Variants in KCP observed in about 807,000 individuals in gnomAD.
KCP encodes the protein kielin cysteine rich BMP regulator, also known as kielin/chordin-like protein.
In KCP, 194 loss-of-function variants were observed where a neutral mutation model predicts 212.7. That is an observed-to-expected ratio of 0.91 (90% CI 0.81 to 1.03). The LOEUF (loss-of-function observed/expected upper bound fraction) is 1.03. KCP is among the 50% of genes least tolerant of loss of function. KCP has a pLI of 0.00. For synonymous variants in KCP, 833 were observed against 865.3 expected (o/e 0.96, Z 0.65); for missense variants, 2,080 against 2,162.5 (o/e 0.96, Z 0.76).
chr7:128,891,724 G>C lies in KCP; in HGVS notation c.1717C>G (p.His573Asp). Residue 573 changes from histidine to aspartate, a missense_variant, in exon 17 of 40, where the codon CAC becomes GAC. His to Asp is a moderately conservative substitution (Grantham distance 81). Coordinates refer to ENST00000610776, the MANE Select transcript of KCP (RefSeq NM_001366122.1). ...QECRCQEGHA[H>D]CQPRPCPRAP... ...CTGGGGCAGGGGCGAGGCTGGCAGT[G>C]GGCATGGCCTTCCTGGCATCGGCAC... 6 of 1,447,794 alleles carry C rather than the reference G, an allele frequency of 4.1e-6. No individual in the cohort carries two copies. Among genetic ancestry groups the C allele is most frequent in the Non-Finnish European group, 5.5e-6 (6 of 1,098,000 alleles). The allele number at this position is 1,447,794 out of a possible 1,614,324, so 89.7% of individuals were successfully genotyped here.
intron 27 of KCP, 25 bp from the exon 28 acceptor site, chr7:128,884,888 C>T (rs1450030256): frequency 1.6e-5 from 24 of 1,548,220 alleles, no homozygotes; most frequent in Admixed American, 7.8e-5. Flanking sequence ...GAGAGCAGAA[C>T]GGGACCAGGG....
intron 22 of KCP, among the ~76,000 whole-genome samples, chr7:128,888,303 C>T (rs111219562): frequency 3.9e-4 from 56 of 145,036 alleles, no homozygotes; most frequent in African/African-American, 1.4e-3. Flanking sequence ...GCAACACACA[C>T]ACACAGATAC....
At chr7:128,891,132 C>A in intron 19 of KCP, 36 bp from the exon 20 acceptor site, 1 of 1,530,598 alleles carries the variant, frequency 6.5e-7, no homozygotes, top group South Asian at 1.2e-5. Context: ...GGCCCAGGAA[C>A]AGGCCTCCGA....
At chr7:128,900,635 CTTAAA>C (rs1308764173) in intron 8 of KCP, among the ~76,000 whole-genome samples, 5 of 152,206 alleles carry the variant, frequency 3.3e-5, no homozygotes, top group Non-Finnish European at 7.3e-5. Flanking sequence ...TCAACGTTTT[CTTAAA>C]TTAAACTTTT....
chr7:128,905,769 A>C, intron 5 of KCP, among the ~76,000 whole-genome samples: 2 of 150,862 alleles, frequency 1.3e-5, no homozygotes, highest in South Asian at 4.3e-4. Context: ...CCTGCAACCC[A>C]CCTCTCTCCA....
At chr7:128,887,690 C>G in intron 22 of KCP, among the ~76,000 whole-genome samples, 1 of 149,680 alleles carries the variant, frequency 6.7e-6, no homozygotes, top group East Asian at 2.0e-4. Context: ...CACATACACA[C>G]ATATACCCAT....
In KCP at chr7:128,877,318, G is replaced by A; in HGVS notation, c.4619-7C>T. On this transcript the variant is annotated splice_region_variant and splice_polypyrimidine_tract_variant and intron_variant, in intron 39 of 39. Transcript: ENST00000610776. ...TCCAGGGGGCAGCCTACCACTGCAG[G>A]GGGAGTGGGAGGCGGGGTTACCAAG... 2 of 1,526,958 alleles carry A rather than the reference G, an allele frequency of 1.3e-6. No individual in the cohort carries two copies. Among genetic ancestry groups the A allele is most frequent in the Middle Eastern group, 4.0e-4 (2 of 4,976 alleles). The allele number at this position is 1,526,958 out of a possible 1,614,324, so 94.6% of individuals were successfully genotyped here. A position where few individuals can be genotyped will look rare whatever the true frequency, so the allele number is the denominator to read the frequency against.
At chr7:128,893,584 G>A (rs997430284) in intron 11 of KCP, 108 bp from the exon 12 acceptor site, 13 of 1,021,066 alleles carry the variant, frequency 1.3e-5, no homozygotes, top group Admixed American at 2.1e-5. Flanking sequence ...ACCCAGCCGA[G>A]TTCTCCAGGG....
At chr7:128,881,590 C>T (rs574008196) in intron 31 of KCP, 36 bp downstream of exon 31, 41 of 1,416,504 alleles carry the variant, frequency 2.9e-5, no homozygotes, top group Non-Finnish European at 3.5e-5. Context: ...CCCCTGGGCT[C>T]CTCTCTGAGG....
intron 1 of KCP, among the ~76,000 whole-genome samples, chr7:128,910,372 C>T (rs906960823): frequency 5.9e-5 from 9 of 152,220 alleles, no homozygotes; most frequent in Non-Finnish European, 1.3e-4. Context: ...TCTCTCCCGC[C>T]GCCGGCTGCA....
At chr7:128,904,292 C>T (rs1795013064) in intron 5 of KCP, 154 bp from the exon 6 acceptor site, 1 of 1,552,710 alleles carries the variant, frequency 6.4e-7, no homozygotes, top group Non-Finnish European at 8.7e-7. Context: ...ACCGGGCCGG[C>T]AGATGGGGCA....
chr7:128,900,226 T>A (rs1794770922), intron 8 of KCP, among the ~76,000 whole-genome samples: 2 of 152,228 alleles, frequency 1.3e-5, no homozygotes, highest in Non-Finnish European at 2.9e-5. Flanking sequence ...AAGTCAGTGT[T>A]ACCATGATTA....
intron 13 of KCP, 100 bp from the exon 14 acceptor site, chr7:128,893,121 C>A: frequency 1.8e-6 from 2 of 1,123,828 alleles, no homozygotes; most frequent in Non-Finnish European, 2.6e-6. Flanking sequence ...CCCGCTGACA[C>A]TGTAGAATGG....
rs753448308 is a variant in KCP at position 128,885,179 on chromosome 7, G to A, written c.2958C>T (p.Val986=). 42 of 1,550,744 alleles carry A rather than the reference G, an allele frequency of 2.7e-5. No homozygotes were observed. The highest frequency in any genetic ancestry group is 5.9e-5 in the Admixed American group (3 of 50,994). Residue 986 remains valine (V), a synonymous_variant, in exon 27 of 40, where the codon GTC becomes GTT. Transcript: ENST00000610776. ...TGCACTGGATGCGTGCACAGGTGAC[G>A]ACGCCCTCGTGACACACACAGGAGG... ...ACSSCVCHEG[V]VTCARIQCIS... is the part of the protein sequence containing the mutation.
In KCP at chr7:128,879,924, G is replaced by A. The variant is rs1054706845; in HGVS notation, c.3921C>T (p.Ser1307=). ...CAGGGGATGCACACCTGAAGTCCCC[G>A]CTGTGGCAGTCCTTGGCCAGCACAT... ...CSYVLAKDCH[S]GDFSVHVTND... is the part of the protein sequence containing the mutation. The change falls in exon 35 of 40, where the codon AGC becomes AGT. Residue 1307 remains serine, a synonymous_variant. Coordinates refer to ENST00000610776, the MANE Select transcript of KCP (RefSeq NM_001366122.1). 1.3e-5 allele frequency: 20 copies of A among 1,551,128 alleles called. No homozygotes were observed. The Admixed American group carries it at 1.6e-4, about 12-fold the overall frequency.
chr7:128,886,046 G>A (rs1793626599), intron 26 of KCP, among the ~76,000 whole-genome samples: 1 of 152,082 alleles, frequency 6.6e-6, no homozygotes, highest in Admixed American at 6.6e-5. Context: ...ATGATGAATG[G>A]GGTGTGGTTA....
chr7:128,907,923 G>A (rs1323343505), intron 2 of KCP, among the ~76,000 whole-genome samples: 1 of 151,988 alleles, frequency 6.6e-6, no homozygotes, highest in African/African-American at 2.4e-5. Context: ...AAGGTCAGGA[G>A]TTCGAGACCA....
At chr7:128,894,413 G>A (rs1043187961) in intron 8 of KCP, 120 bp from the exon 9 acceptor site, 29 of 743,984 alleles carry the variant, frequency 3.9e-5, no homozygotes, top group Non-Finnish European at 4.6e-5. Context: ...GTGTGTCCCC[G>A]CCCCCAAATC....
In KCP at chr7:128,909,389, AG is replaced by A. The variant is rs1795314039; in HGVS notation, c.77-822del. Reference sequence around the variant, plus strand: ...GGAGTGGCTTAAAAGGGTTTCTCACAGACACTAGGCCTGTGAGACAGGGGAA... The same window carrying A: ...GGAGTGGCTTAAAAGGGTTTCTCACAACACTAGGCCTGTGAGACAGGGGAA... On this transcript the variant is annotated intron_variant, in intron 1 of 39. Coordinates refer to ENST00000610776, the MANE Select transcript of KCP (RefSeq NM_001366122.1). Among the ~76,000 whole-genome samples, 10 of 152,300 alleles carry A rather than the reference AG, an allele frequency of 6.6e-5. No individual in the cohort carries two copies. In the South Asian group the frequency reaches 2.1e-3, roughly 32 times the overall value.
Sources: gnomAD v4.1 joint callset for allele counts (sites outside exome capture counted in the v4.1 genomes callset) on GRCh38, gnomAD v4.1.1 for gene constraint, MANE v1.5 for transcripts, NCBI Gene and HGNC (gene_info 2026-07-23, HGNC 2026-07-21) for gene names.